The following LAMA4 variants were observed in gnomAD, a reference collection of about 807,000 sequenced individuals.
The protein encoded by LAMA4 is laminin subunit alpha-4.
Under a neutral mutation model 207.1 loss-of-function variants are expected in LAMA4, and 127 were observed. The ratio of observed to expected loss-of-function variants is 0.61; its 90% confidence interval spans 0.53 to 0.71. The LOEUF (loss-of-function observed/expected upper bound fraction) is 0.71, where lower values mean the gene tolerates loss of function less well. LAMA4 is among the 30% of genes least tolerant of loss of function. LAMA4 has a pLI of 0.00. For missense variants in LAMA4, 2,093 were observed against 2,246.5 expected (o/e 0.93, Z 1.38); for synonymous variants, 761 against 816.0 (o/e 0.93, Z 1.15).
intron 2 of LAMA4, among the ~76,000 whole-genome samples, chr6:112,238,452 G>A (rs1554366870): frequency 6.6e-6 from 1 of 152,186 alleles, no homozygotes; most frequent in Non-Finnish European, 1.5e-5. Context: ...GCTCATGCCT[G>A]TAATTCCAGC....
intron 2 of LAMA4, among the ~76,000 whole-genome samples, chr6:112,238,723 C>T (rs116661062): frequency 1.3e-5 from 2 of 148,730 alleles, no homozygotes; most frequent in African/African-American, 5.2e-5. Context: ...AATAAATAAA[C>T]AAATAAATAA....
intron 32 of LAMA4, among the ~76,000 whole-genome samples, chr6:112,121,592 A>G (rs925896276): frequency 2.0e-5 from 3 of 152,232 alleles, no homozygotes; most frequent in South Asian, 2.1e-4. Flanking sequence ...CTGGAGGGTC[A>G]TAGACATACA....
chr6:112,145,027 G>T (rs531355542), intron 18 of LAMA4, 94 bp from the exon 19 acceptor site: 1 of 1,147,196 alleles, frequency 8.7e-7, no homozygotes, highest in South Asian at 1.3e-5. Flanking sequence ...ACATATGGTA[G>T]AACTAAGAGA....
In LAMA4 at chr6:112,207,134, C is replaced by T. The variant is rs782786137; in HGVS notation, c.309G>A (p.Arg103=). 15 of 1,613,844 alleles carry T rather than the reference C, an allele frequency of 9.3e-6. No individual in the cohort carries two copies. Among genetic ancestry groups the T allele is most frequent in the Middle Eastern group, 3.3e-4 (2 of 6,062 alleles). ...DGSGYCVHCQ[R]NTTGEHCEKC... is the part of the protein sequence containing the mutation. ...TTTCACAGTGCTCTCCTGTTGTGTT[C>T]CGCTGGCAGTGCTATGAGACAAAAG... Residue 103 remains arginine (R), a synonymous_variant, in exon 4 of 39, where the codon CGG becomes CGA. Transcript: ENST00000230538.
At chr6:112,148,433 A>C in intron 17 of LAMA4, 97 bp from the exon 18 acceptor site, 19 of 1,345,420 alleles carry the variant, frequency 1.4e-5, no homozygotes, top group East Asian at 4.7e-5. Flanking sequence ...AACAGATCTC[A>C]CATTTTGGGC....
intron 18 of LAMA4, among the ~76,000 whole-genome samples, chr6:112,145,953 TTTCTATGTTTTCTTCCTC>T (rs1441703970): frequency 1.3e-5 from 2 of 152,080 alleles, no homozygotes; most frequent in Non-Finnish European, 2.9e-5. Context: ...CTTTTTTCCT[TTTCTATGTTTTCTTCCTC>T]TTCTATGTTT....
intron 9 of LAMA4, among the ~76,000 whole-genome samples, chr6:112,182,666 G>A (rs1183810884): frequency 6.6e-6 from 1 of 152,126 alleles, no homozygotes; most frequent in Middle Eastern, 3.2e-3. Flanking sequence ...AGTACCTCCT[G>A]AGCCGCCCTT....
intron 3 of LAMA4, among the ~76,000 whole-genome samples, chr6:112,213,213 T>C (rs1784445504): frequency 6.6e-6 from 1 of 152,236 alleles, no homozygotes; most frequent in African/African-American, 2.4e-5. Context: ...TTTCTCCTAA[T>C]GACAAAGCAC....
intron 12 of LAMA4, among the ~76,000 whole-genome samples, chr6:112,170,089 A>G (rs188593116): frequency 1.3e-4 from 20 of 152,394 alleles, no homozygotes; most frequent in African/African-American, 4.8e-4. Context: ...ACATGTTAAC[A>G]CACAACATAT....
chr6:112,135,791 A>C, intron 25 of LAMA4: 1 of 274,770 alleles, frequency 3.6e-6, no homozygotes, highest in Non-Finnish European at 7.0e-6. Context: ...GTGTATCTAC[A>C]CTCTGGCTCA....
rs1187123333 is a variant in LAMA4 at position 112,167,212 on chromosome 6, G to A, written c.1552-1936C>T. ...GGATTATTCTTTTCTAGCCCATGCT[G>A]TAGGTGTAATAGTGAAATGTAAAAT... On this transcript the variant is annotated intron_variant, in intron 12 of 38. Coordinates refer to ENST00000230538, the MANE Select transcript of LAMA4 (RefSeq NM_001105206.3). Among the ~76,000 whole-genome samples, 18 of 152,202 alleles carry A rather than the reference G, an allele frequency of 1.2e-4. 1 individual carries two copies. The highest frequency in any genetic ancestry group is 1.2e-3 in the Admixed American group (18 of 15,282).
chr6:112,128,173 C>A (rs1778810564), intron 31 of LAMA4, among the ~76,000 whole-genome samples: 2 of 152,074 alleles, frequency 1.3e-5, no homozygotes, highest in African/African-American at 4.8e-5. Context: ...ATTATTTATA[C>A]AAACTGTTAA....
chr6:112,254,607 A>T (rs1787740175), upstream of LAMA4: 1 of 198,570 alleles, frequency 5.0e-6, no homozygotes, highest in Non-Finnish European at 1.0e-5. Flanking sequence ...TTCTACTCCC[A>T]GGCCCTCCCA....
At chr6:112,251,868 C>T (rs560294148) in intron 2 of LAMA4, among the ~76,000 whole-genome samples, 1 of 152,322 alleles carries the variant, frequency 6.6e-6, no homozygotes, top group South Asian at 2.1e-4. Flanking sequence ...AAACTGAAGG[C>T]CTCCACTGGC....
intron 2 of LAMA4, among the ~76,000 whole-genome samples, chr6:112,224,077 C>CT (rs1367507396): frequency 6.6e-6 from 1 of 152,192 alleles, no homozygotes; most frequent in East Asian, 1.9e-4. Flanking sequence ...GCCATCACAC[C>CT]TGGCCCCATC....
chr6:112,240,033 G>A (rs1454828557), intron 2 of LAMA4, among the ~76,000 whole-genome samples: 5 of 152,002 alleles, frequency 3.3e-5, no homozygotes, highest in Non-Finnish European at 5.9e-5. Context: ...CCCAGCCTGG[G>A]CGACAGAGCG....
chr6:112,215,852 C>T (rs1435437876), intron 3 of LAMA4, among the ~76,000 whole-genome samples: 1 of 152,200 alleles, frequency 6.6e-6, no homozygotes, highest in African/African-American at 2.4e-5. Flanking sequence ...TAAACACAGA[C>T]TTGCAAAGAC....
intron 9 of LAMA4, 101 bp downstream of exon 9, chr6:112,185,136 T>C: frequency 1.2e-6 from 1 of 810,954 alleles, no homozygotes; most frequent in Non-Finnish European, 2.2e-6. Context: ...GCATTTTTTC[T>C]GGGCTGTGTT....
At chr6:112,116,797 C>G (rs1215320675) in intron 35 of LAMA4, among the ~76,000 whole-genome samples, 1 of 152,106 alleles carries the variant, frequency 6.6e-6, no homozygotes, top group East Asian at 1.9e-4. Flanking sequence ...GCAGTTTGCT[C>G]TGTATTCCCA....
Sources: allele counts gnomAD v4.1 joint callset (sites outside exome capture counted in the v4.1 genomes callset), GRCh38; gene constraint gnomAD v4.1.1; transcripts MANE v1.5; gene names NCBI Gene and HGNC (gene_info 2026-07-23, HGNC 2026-07-21).